Variants in DPEP2 observed in about 807,000 individuals in gnomAD.
DPEP2 encodes the protein dipeptidase 2.
DPEP2 carries 45 observed loss-of-function variants against 51.8 expected under a neutral mutation model. That is an observed-to-expected ratio of 0.87 (90% CI 0.68 to 1.11). The LOEUF is 1.11. Among genes scored for constraint, DPEP2 ranks in the 50% most tolerant of loss-of-function variants. DPEP2 has a pLI of 0.00. For missense variants in DPEP2, 604 were observed against 631.9 expected, an observed-to-expected ratio of 0.96 and a Z score of 0.47; for synonymous variants, 255 against 262.7, an observed-to-expected ratio of 0.97 and a Z score of 0.28.
Position 67,992,158 on chromosome 16 carries a change from G to C in DPEP2, c.426C>G (p.Asp142Glu). ...CCAGGGTGAGGCGCAGGGCATCCCG[G>C]TCCTGGGTCTGGCATGGCACATAGG... ...WSAYVPCQTQDRDALRLTLEQ... is the reference protein window; with the variant it reads ...WSAYVPCQTQERDALRLTLEQ... The change falls in exon 4 of 11, where the codon GAC (aspartate) becomes GAG (glutamate). Residue 142 changes from aspartate (D) to glutamate (E), a missense_variant. Transcript: ENST00000393847. The C allele has an allele frequency of 6.2e-7, 1 of 1,614,204 alleles. No individual in the cohort carries two copies. Among genetic ancestry groups the C allele is most frequent in the Non-Finnish European group, 8.5e-7 (1 of 1,180,022 alleles).
chr16:68,000,617 G>T, upstream of DPEP2: 1 of 414,588 alleles, frequency 2.4e-6, no homozygotes, highest in Non-Finnish European at 3.2e-6. Context: ...GGCCACTGTA[G>T]ACAAACATCC....
At chr16:67,989,135 C>G (rs1227484580) in intron 9 of DPEP2, among the ~76,000 whole-genome samples, 188 bp downstream of exon 9, 1 of 152,114 alleles carries the variant, frequency 6.6e-6, no homozygotes, top group Non-Finnish European at 1.5e-5. Context: ...GGCAGATGAG[C>G]TCTGTCTGGT....
Position 67,987,672 on chromosome 16 carries a change from C to G in DPEP2, c.1295G>C (p.Arg432Pro), listed in dbSNP as rs200614898. The G allele has an allele frequency of 1.9e-6, 3 of 1,614,174 alleles. No homozygotes were observed. Among genetic ancestry groups the G allele is most frequent in the Non-Finnish European group, 2.5e-6 (3 of 1,180,030 alleles). The part of the protein sequence containing the change: ...LSSSCHSDLS[R>P]LRQRQSLTSG... ...AGTCAGACTCTGTCTCTGACGCAGA[C>G]GTGAGAGGTCGGAGTGGCAGGAACT... The change falls in exon 11 of 11, where the codon CGT (arginine) becomes CCT (proline). Residue 432 changes from arginine to proline, a missense_variant. Transcript: ENST00000393847.
chr16:67,999,041 G>A (rs547833290), intron 1 of DPEP2, among the ~76,000 whole-genome samples: 14 of 152,266 alleles, frequency 9.2e-5, no homozygotes, highest in South Asian at 8.3e-4. Context: ...GCCTGAGCCC[G>A]CAGTGGCTAC....
At position 67,990,980 on chromosome 16, in the gene DPEP2, C is replaced by A. The variant is rs765970809; in HGVS notation, c.750G>T (p.Met250Ile). The change falls in exon 7 of 11, where the codon ATG becomes ATT. Residue 250 changes from methionine to isoleucine, a missense_variant. Met to Ile is a conservative substitution (Grantham distance 10). Transcript: ENST00000393847. ...TDFGEKVVAE[M>I]NRLGMMVDLS... is the part of the protein sequence containing the mutation. ...AGTCTACCATCATGCCCAGGCGGTTCATTTCTGCCACCACCTTCTGCAGGG... is the reference window on the plus strand; with the variant it reads ...AGTCTACCATCATGCCCAGGCGGTTAATTTCTGCCACCACCTTCTGCAGGG... 1.9e-5 allele frequency: 31 copies of A among 1,614,068 alleles called. No homozygotes were observed. Among genetic ancestry groups the A allele is most frequent in the Non-Finnish European group, 2.5e-5 (29 of 1,179,896 alleles).
chr16:67,992,228 G>A (rs910287217), intron 3 of DPEP2, 35 bp from the exon 4 acceptor site: 4 of 1,609,372 alleles, frequency 2.5e-6, no homozygotes, highest in African/African-American at 2.7e-5. Flanking sequence ...TTGGATGGGG[G>A]CTGCTTTGGA....
chr16:67,996,262 A>G (rs1049660184), intron 1 of DPEP2, among the ~76,000 whole-genome samples: 5 of 146,288 alleles, frequency 3.4e-5, no homozygotes, highest in Non-Finnish European at 7.5e-5. Flanking sequence ...GTCAATTATT[A>G]TTTGTCAGTT....
chr16:67,998,692 G>A (rs1480590523), intron 1 of DPEP2, among the ~76,000 whole-genome samples: 1 of 152,164 alleles, frequency 6.6e-6, no homozygotes, highest in African/African-American at 2.4e-5. Context: ...GTCTGGTGGG[G>A]ACGTGGACAA....
chr16:67,990,373 G>C (rs1330591132), intron 7 of DPEP2, among the ~76,000 whole-genome samples: 2 of 152,180 alleles, frequency 1.3e-5, no homozygotes, highest in Non-Finnish European at 2.9e-5. Flanking sequence ...CCGACTCCTG[G>C]ATGTGGACTG....
Position 67,993,033 on chromosome 16 carries a change from G to C in DPEP2, c.180C>G (p.Pro60=). 1.3e-6 allele frequency: 2 copies of C among 1,589,254 alleles called. No individual in the cohort carries two copies. The highest frequency in any genetic ancestry group is 1.7e-6 in the Non-Finnish European group (2 of 1,167,322). The change falls in exon 2 of 11, where the codon CCC becomes CCG. Residue 60 remains proline (P), a synonymous_variant. Transcript: ENST00000393847. ...RAHTMPGTYA[P]STTLSSPSTQ... Reference sequence around the variant, plus strand: ...TGCTGGGACTACTGAGTGTGGTCGAGGGAGCGTAGGTGCCCGGCATGGTGT... The same window carrying C: ...TGCTGGGACTACTGAGTGTGGTCGACGGAGCGTAGGTGCCCGGCATGGTGT...
rs376501465 is a variant in DPEP2 at position 67,990,853 on chromosome 16, G to A, written c.877C>T (p.Arg293Trp). 36 of 1,613,970 alleles carry A rather than the reference G, an allele frequency of 2.2e-5. No individual in the cohort carries two copies. The highest frequency in any genetic ancestry group is 3.0e-5 in the Non-Finnish European group (35 of 1,179,988). The stretch of plus-strand genomic sequence containing the variant: ...TGCAGGATGTCATCAGGAACATTCC[G>A]AGCACTGTTGCACACACCCCGGGCA... Reference protein sequence around the residue: ...SAARGVCNSARNVPDDILQLL... With the variant: ...SAARGVCNSAWNVPDDILQLL... The change falls in exon 7 of 11, where the codon CGG becomes TGG. Residue 293 changes from arginine to tryptophan, a missense_variant. Arg to Trp is a moderately radical substitution (Grantham distance 101). Coordinates refer to ENST00000393847, the MANE Select transcript of DPEP2 (RefSeq NM_022355.4).
In DPEP2 at chr16:67,992,770, G is replaced by A. The variant is rs560005289; in HGVS notation, c.264-134C>T. On this transcript the variant is annotated intron_variant, in intron 2 of 10. Coordinates refer to ENST00000393847, the MANE Select transcript of DPEP2 (RefSeq NM_022355.4). ...ACTATACTGAGATCCCCTGAGGCCC[G>A]GGCTAGGAGTGCCCACCCAAGAGGG... The A allele has an allele frequency of 5.3e-6, 8 of 1,496,676 alleles. No homozygotes were observed. In the African/African-American group the frequency reaches 8.3e-5, roughly 16 times the overall value. The allele number at this position is 1,496,676 out of a possible 1,614,324, so 92.7% of individuals were successfully genotyped here. A position where few individuals can be genotyped will look rare whatever the true frequency, so the allele number is the denominator to read the frequency against.
At chr16:67,992,769 C>A in intron 2 of DPEP2, 133 bp from the exon 3 acceptor site, 1 of 1,502,062 alleles carries the variant, frequency 6.7e-7, no homozygotes, top group East Asian at 2.3e-5. Flanking sequence ...CCCTGAGGCC[C>A]GGGCTAGGAG....
upstream of DPEP2, chr16:67,999,510 C>T: frequency 2.0e-6 from 2 of 986,442 alleles, no homozygotes; most frequent in Non-Finnish European, 2.4e-6. Flanking sequence ...AGGGGGAGGG[C>T]ACAGAGATGG....
rs756688626 is a variant in DPEP2, at chr16:67,992,206, C to T, written c.391-13G>A. Reference sequence around the variant, plus strand: ...AGGCTGACCAGAACTGGGGGGAAGGCCAGGGTTTGGCTTGGATGGGGGCTG... The same window carrying T: ...AGGCTGACCAGAACTGGGGGGAAGGTCAGGGTTTGGCTTGGATGGGGGCTG... On this transcript the variant is annotated splice_polypyrimidine_tract_variant and intron_variant, in intron 3 of 10. Transcript: ENST00000393847. The T allele has an allele frequency of 9.3e-6, 15 of 1,613,136 alleles. No individual in the cohort carries two copies. In the South Asian group the frequency reaches 1.5e-4, roughly 17 times the overall value.
chr16:67,988,820 C>T (rs1175683435), intron 9 of DPEP2, among the ~76,000 whole-genome samples: 1 of 151,454 alleles, frequency 6.6e-6, no homozygotes, highest in South Asian at 2.1e-4. Flanking sequence ...GCTGAGATGG[C>T]AGGATTGCTT....
chr16:67,987,535 T>A lies in DPEP2; in HGVS notation c.1432A>T (p.Thr478Ser), dbSNP rs1598251230. ...AGCCACAGAATAAGGACTGGGAAGGTGGCCACAACTGCAAGGACTGGGGCC... is the reference window on the plus strand; with the variant it reads ...AGCCACAGAATAAGGACTGGGAAGGAGGCCACAACTGCAAGGACTGGGGCC... ...HMAPVLAVVATFPVLILWL is the reference protein window; with the variant it reads ...HMAPVLAVVASFPVLILWL The change falls in exon 11 of 11, where the codon ACC becomes TCC. Residue 478 changes from threonine (T) to serine (S), a missense_variant. Thr to Ser is a moderately conservative substitution (Grantham distance 58). Transcript: ENST00000393847. The A allele has an allele frequency of 8.1e-6, 13 of 1,613,804 alleles. No homozygotes were observed. In the East Asian group the frequency reaches 2.9e-4, roughly 36 times the overall value.
At chr16:67,988,477 C>A (rs2031706553) in intron 9 of DPEP2, among the ~76,000 whole-genome samples, 2 of 152,090 alleles carry the variant, frequency 1.3e-5, no homozygotes, top group African/African-American at 4.8e-5. Context: ...ATGGCGCACA[C>A]CTGTAATCCC....
chr16:67,990,868 C>T lies in DPEP2; in HGVS notation c.862G>A (p.Val288Met). The change falls in exon 7 of 11, where the codon GTG becomes ATG. Residue 288 changes from valine (V) to methionine (M), a missense_variant. Coordinates refer to ENST00000393847, the MANE Select transcript of DPEP2 (RefSeq NM_022355.4). ...GGAACATTCCGAGCACTGTTGCACA[C>T]ACCCCGGGCAGCCGAGTGGGAGAAG... is the stretch of plus-strand genomic sequence containing the variant. ...VIFSHSAARG[V>M]CNSARNVPDD... is the part of the protein sequence containing the mutation. 1 of 1,614,194 alleles carries T rather than the reference C, an allele frequency of 6.2e-7. No homozygotes were observed. Among genetic ancestry groups the T allele is most frequent in the Non-Finnish European group, 8.5e-7 (1 of 1,180,032 alleles).
Sources: gnomAD v4.1 joint callset for allele counts (sites outside exome capture counted in the v4.1 genomes callset) on GRCh38, gnomAD v4.1.1 for gene constraint, MANE v1.5 for transcripts, NCBI Gene and HGNC (gene_info 2026-07-23, HGNC 2026-07-21) for gene names.